TENM4: variants seen among roughly 807,000 people sequenced by gnomAD.
TENM4 encodes the protein teneurin transmembrane protein 4, also known as teneurin-4.
In TENM4, 82 loss-of-function variants were observed where a neutral mutation model predicts 243.3. The ratio of observed to expected loss-of-function variants is 0.34; its 90% confidence interval spans 0.28 to 0.40. The LOEUF (loss-of-function observed/expected upper bound fraction) is 0.40. TENM4 is among the 10% of genes least tolerant of loss of function. TENM4 has a pLI of 1.00. For synonymous variants in TENM4, 1,412 were observed against 1,456.3 expected (o/e 0.97, Z 0.69); for missense variants, 3,138 against 3,673.3 (o/e 0.85, Z 3.77).
intron 2 of TENM4, among the ~76,000 whole-genome samples, chr11:79,248,102 T>C (rs1473986290): frequency 1.3e-5 from 2 of 152,184 alleles, no homozygotes; most frequent in African/African-American, 4.8e-5. Context: ...TGTGGTGGCC[T>C]GCCTTAACTT....
At chr11:79,364,763 C>T (rs1857647837) in intron 1 of TENM4, among the ~76,000 whole-genome samples, 2 of 152,188 alleles carry the variant, frequency 1.3e-5, no homozygotes, top group South Asian at 4.1e-4. Flanking sequence ...AGTTTAACCC[C>T]AGCCCAGTCT....
At chr11:78,668,881 T>A in intron 32 of TENM4, 56 bp downstream of exon 32, 2 of 1,540,030 alleles carry the variant, frequency 1.3e-6, no homozygotes. Flanking sequence ...CTAAGTATTG[T>A]TAGGTAGTAA....
intron 6 of TENM4, among the ~76,000 whole-genome samples, chr11:78,965,822 T>C (rs1307406450): frequency 1.4e-5 from 1 of 73,508 alleles, no homozygotes; most frequent in East Asian, 2.1e-4. Flanking sequence ...TGAAGTACAG[T>C]TATTATTGGA....
intron 1 of TENM4, among the ~76,000 whole-genome samples, chr11:79,317,239 C>T (rs1404565618): frequency 6.6e-6 from 1 of 152,200 alleles, no homozygotes; most frequent in African/African-American, 2.4e-5. Context: ...GACACAACTC[C>T]ATGTATCCAA....
rs1342383907 is a variant in TENM4 at position 79,440,865 on chromosome 11, G to GTC, written c.-678_-677insGA. On this transcript the variant is annotated 5_prime_UTR_variant, in exon 1 of 34. Transcript: ENST00000278550. The surrounding 1 kb of genome is among the most constrained non-coding windows in gnomAD (Gnocchi z 4.7). ...TGTGTGCGCGCGCGTGTGTGAGTGTGTGTGTGTGTGTGTGTGTTTAATAGC... is the reference window on the plus strand; with the variant it reads ...TGTGTGCGCGCGCGTGTGTGAGTGTGTCTGTGTGTGTGTGTGTGTTTAATAGC... 6.6e-6 allele frequency: 1 copy of GTC among 152,150 alleles called. No individual in the cohort carries two copies. The highest frequency in any genetic ancestry group is 1.9e-4 in the East Asian group (1 of 5,182). The allele number at this position is 152,150 out of a possible 1,614,324, so 9.4% of individuals were successfully genotyped here.
At chr11:79,387,153 G>C (rs1209421485) in intron 1 of TENM4, among the ~76,000 whole-genome samples, 1 of 152,188 alleles carries the variant, frequency 6.6e-6, no homozygotes, top group African/African-American at 2.4e-5. Flanking sequence ...ACAAAAAAGA[G>C]TATATGCTCT....
rs1036963877 is a variant in TENM4 at position 79,215,921 on chromosome 11, G to A, written c.-264-12C>T. 4.2e-6 allele frequency: 4 copies of A among 950,600 alleles called. No individual in the cohort carries two copies. The African/African-American group carries it at 7.1e-5, about 17-fold the overall frequency. 58.9% of individuals were successfully genotyped at this position (950,600 alleles called of 1,614,324 possible). The stretch of plus-strand genomic sequence containing the variant: ...GTGCGGGATCTTTTCTGTTGAAGCA[G>A]AGAACACAGATCCAACTGAGTGAGG... On this transcript the variant is annotated splice_polypyrimidine_tract_variant and intron_variant, in intron 2 of 33. Transcript: ENST00000278550.
intron 33 of TENM4, 106 bp downstream of exon 33, chr11:78,661,343 C>A: frequency 1.4e-6 from 2 of 1,430,408 alleles, no homozygotes; most frequent in Non-Finnish European, 9.5e-7. Flanking sequence ...TGTGGAGGCA[C>A]CACATTGGTG....
intron 1 of TENM4, among the ~76,000 whole-genome samples, chr11:79,396,340 G>A (rs1294318023): frequency 6.6e-6 from 1 of 152,122 alleles, no homozygotes; most frequent in East Asian, 1.9e-4. Flanking sequence ...TCTAGTTCTT[G>A]TTCAAGGAGT....
intron 9 of TENM4, among the ~76,000 whole-genome samples, chr11:78,864,433 C>CAA (rs145489804): frequency 0.03 from 1,080 of 36,210 alleles, 172 homozygotes; most frequent in Middle Eastern, 0.077. Flanking sequence ...GACTCCGTCT[C>CAA]AAAAAAAAAA....
intron 6 of TENM4, among the ~76,000 whole-genome samples, chr11:79,006,164 T>C (rs1858479298): frequency 6.6e-6 from 1 of 152,178 alleles, no homozygotes; most frequent in South Asian, 2.1e-4. Context: ...GCAGTCATAA[T>C]GTTTTCCTCA....
At chr11:78,993,718 C>T (rs79146248) in intron 6 of TENM4, among the ~76,000 whole-genome samples, 3,232 of 152,204 alleles carry the variant, frequency 0.021, 61 homozygotes, top group Middle Eastern at 0.048. Context: ...AATTTGGTTC[C>T]ATTTCTCTAT....
intron 6 of TENM4, among the ~76,000 whole-genome samples, chr11:78,987,841 T>C (rs1302250538): frequency 1.3e-5 from 2 of 152,014 alleles, no homozygotes; most frequent in African/African-American, 4.8e-5. Context: ...TTCTATTTGA[T>C]AGATGAAGAA....
chr11:79,385,749 C>T (rs1858099232), intron 1 of TENM4, among the ~76,000 whole-genome samples: 1 of 151,992 alleles, frequency 6.6e-6, no homozygotes, highest in Non-Finnish European at 1.5e-5. Context: ...TTTGGGAATC[C>T]CCAGAGCTTT....
intron 4 of TENM4, among the ~76,000 whole-genome samples, chr11:79,125,451 T>C (rs1861854601): frequency 6.6e-6 from 1 of 152,168 alleles, no homozygotes; most frequent in African/African-American, 2.4e-5. Flanking sequence ...CAAGCTCTTA[T>C]CATGTGAGTG....
chr11:78,740,682 G>A (rs531288), intron 19 of TENM4, among the ~76,000 whole-genome samples: 2 of 152,144 alleles, frequency 1.3e-5, no homozygotes, highest in Admixed American at 1.3e-4. Flanking sequence ...ATCTCCTGAC[G>A]CTGGCCACCA....
At chr11:79,256,207 C>T (rs2135314464) in intron 2 of TENM4, among the ~76,000 whole-genome samples, 1 of 152,348 alleles carries the variant, frequency 6.6e-6, no homozygotes, top group Admixed American at 6.5e-5. Flanking sequence ...GTAACTACTC[C>T]TGCCCTTTCC....
chr11:78,668,200 T>G (rs189005773), intron 32 of TENM4, among the ~76,000 whole-genome samples: 1 of 152,156 alleles, frequency 6.6e-6, no homozygotes, highest in Non-Finnish European at 1.5e-5. Flanking sequence ...TTCTTTTTTT[T>G]CCCTCTTTTC....
rs137881308 is a variant in TENM4 at position 78,770,447 on chromosome 11, C to T, written c.2539+545G>A. On this transcript the variant is annotated intron_variant, in intron 18 of 33. Transcript: ENST00000278550. ...AATGAATGTTCTAAAAGATGAGCAC[C>T]TCCTTCCTTGGGCTTTGACTGTCTA... Among the ~76,000 whole-genome samples, 325 of 152,306 alleles carry T rather than the reference C, an allele frequency of 2.1e-3. 2 individuals carry two copies. Among genetic ancestry groups the T allele is most frequent in the African/African-American group, 7.4e-3 (307 of 41,572 alleles).
Sources: allele counts gnomAD v4.1 joint callset (sites outside exome capture counted in the v4.1 genomes callset), GRCh38; gene constraint gnomAD v4.1.1; non-coding constraint Gnocchi (gnomAD v3.1); transcripts MANE v1.5; gene names NCBI Gene and HGNC (gene_info 2026-07-23, HGNC 2026-07-21).